ULK4: variants seen among roughly 807,000 people sequenced by gnomAD.
The protein encoded by ULK4 is unc-51 like kinase 4.
A neutral mutation model predicts 160.6 loss-of-function variants in ULK4; 133 were observed. That is an observed-to-expected ratio of 0.83 (90% CI 0.72 to 0.96). ULK4 has a LOEUF of 0.96. Among genes scored for constraint, ULK4 ranks in the 40% least tolerant of loss-of-function variants. The pLI is 0.00. For missense variants in ULK4, 1,580 were observed against 1,499.5 expected (o/e 1.05, Z -0.89); for synonymous variants, 534 against 539.8 (o/e 0.99, Z 0.15).
intron 29 of ULK4, among the ~76,000 whole-genome samples, chr3:41,676,261 T>G (rs1034827162): frequency 4.6e-5 from 7 of 152,210 alleles, no homozygotes; most frequent in Non-Finnish European, 7.3e-5. Context: ...ATATAAAAGT[T>G]TTGATGGTAA....
chr3:41,597,814 G>T (rs920104820), intron 31 of ULK4, among the ~76,000 whole-genome samples: 1 of 152,166 alleles, frequency 6.6e-6, no homozygotes, highest in Non-Finnish European at 1.5e-5. Context: ...TTTTTTGGGA[G>T]GGGAGCAGCC....
Position 41,911,552 on chromosome 3 carries a change from G to A in ULK4, c.1004C>T (p.Ser335Phe). 1 of 1,613,658 alleles carries A rather than the reference G, an allele frequency of 6.2e-7. No homozygotes were observed. Among genetic ancestry groups the A allele is most frequent in the South Asian group, 1.1e-5 (1 of 91,044 alleles). ...CAAATAAAACTTACCTAGTCTGAAA[G>A]AGTGACCTAGTGGTTGACCACTCTT... ...GHKSGQPLGHSFRLENPTEFR... is the reference protein window; with the variant it reads ...GHKSGQPLGHFFRLENPTEFR... Residue 335 changes from serine (S) to phenylalanine (F), a missense_variant, in exon 10 of 37, where the codon TCT becomes TTT. By Grantham distance (155) the Ser-to-Phe change is radical. Transcript: ENST00000301831.
intron 1 of ULK4, among the ~76,000 whole-genome samples, chr3:41,958,483 C>T (rs1390252317): frequency 6.6e-6 from 1 of 151,730 alleles, no homozygotes; most frequent in East Asian, 1.9e-4. Flanking sequence ...GGACGGATCG[C>T]CTGAGGTCAC....
intron 27 of ULK4, among the ~76,000 whole-genome samples, chr3:41,682,648 G>A (rs1433560719): frequency 6.6e-6 from 1 of 152,176 alleles, no homozygotes; most frequent in African/African-American, 2.4e-5. Context: ...CTTGACATAG[G>A]AAATTTATAT....
intron 29 of ULK4, 91 bp from the exon 30 acceptor site, chr3:41,663,790 T>G: frequency 1.9e-6 from 2 of 1,065,346 alleles, no homozygotes; most frequent in Non-Finnish European, 2.8e-6. Flanking sequence ...CAATTTAGCT[T>G]AAGACAGAAA....
At chr3:41,257,219 A>G (rs2078851739) in intron 35 of ULK4, among the ~76,000 whole-genome samples, 6 of 152,256 alleles carry the variant, frequency 3.9e-5, no homozygotes, top group Admixed American at 3.3e-4. Context: ...GCTAAAATTC[A>G]TAACACTGAC....
chr3:41,477,956 A>G (rs1273220294), intron 32 of ULK4, among the ~76,000 whole-genome samples: 1 of 152,244 alleles, frequency 6.6e-6, no homozygotes, highest in Non-Finnish European at 1.5e-5. Flanking sequence ...CTAGGTTGGC[A>G]TAAGTGCTAA....
intron 35 of ULK4, among the ~76,000 whole-genome samples, chr3:41,275,805 C>T (rs2079219565): frequency 6.6e-6 from 1 of 152,226 alleles, no homozygotes. Context: ...AAGAAATGTA[C>T]AGTTCTGCCA....
chr3:41,272,105 T>C (rs2079147607), intron 35 of ULK4, among the ~76,000 whole-genome samples: 1 of 151,496 alleles, frequency 6.6e-6, no homozygotes, highest in Admixed American at 6.6e-5. Flanking sequence ...TTAGTAGAGA[T>C]GGGGTTTTGC....
At chr3:41,754,755 A>T (rs568843736) in intron 21 of ULK4, among the ~76,000 whole-genome samples, 3 of 152,176 alleles carry the variant, frequency 2.0e-5, no homozygotes, top group Non-Finnish European at 4.4e-5. Context: ...AATTTACCCA[A>T]ATTCAGAGTT....
Position 41,638,397 on chromosome 3 carries a change from A to G in ULK4, c.3072-22680T>C, listed in dbSNP as rs563236607. 4.6e-5 allele frequency among the ~76,000 whole-genome samples: 7 copies of G among 152,306 alleles called. No homozygotes were observed. In the East Asian group the frequency reaches 1.4e-3, roughly 29 times the overall value. On this transcript the variant is annotated intron_variant, in intron 30 of 36. Transcript: ENST00000301831. Reference sequence around the variant, plus strand: ...TATCCTGTAAACAACTGAGTTGAGCAGAATTTGTGACTCCAAGCAGAGAGA... The same window carrying G: ...TATCCTGTAAACAACTGAGTTGAGCGGAATTTGTGACTCCAAGCAGAGAGA...
At chr3:41,263,382 G>A (rs2078979630) in intron 35 of ULK4, among the ~76,000 whole-genome samples, 1 of 152,140 alleles carries the variant, frequency 6.6e-6, no homozygotes, top group South Asian at 2.1e-4. Flanking sequence ...GAGCTTAACA[G>A]GGCCTGTTTC....
intron 30 of ULK4, among the ~76,000 whole-genome samples, chr3:41,647,580 G>C (rs376661466): frequency 1.3e-5 from 2 of 152,302 alleles, no homozygotes; most frequent in South Asian, 4.1e-4. Flanking sequence ...GTACTGGGCC[G>C]TGTGAGGTGT....
At chr3:41,721,778 A>G (rs142984666) in intron 22 of ULK4, among the ~76,000 whole-genome samples, 1 of 152,302 alleles carries the variant, frequency 6.6e-6, no homozygotes, top group East Asian at 1.9e-4. Flanking sequence ...GTAAATGCTG[A>G]GTGCAAGGCA....
At chr3:41,648,064 G>A (rs1287249497) in intron 30 of ULK4, among the ~76,000 whole-genome samples, 1 of 152,210 alleles carries the variant, frequency 6.6e-6, no homozygotes. Flanking sequence ...GCAGTATTCT[G>A]GTGGGAGTGA....
chr3:41,619,353 A>T (rs1056098926), intron 30 of ULK4, among the ~76,000 whole-genome samples: 13 of 152,206 alleles, frequency 8.5e-5, no homozygotes, highest in African/African-American at 2.9e-4. Flanking sequence ...CATGTATTTT[A>T]AAATTGACCA....
chr3:41,899,755 C>T (rs1055353903), intron 13 of ULK4, among the ~76,000 whole-genome samples: 4 of 152,126 alleles, frequency 2.6e-5, no homozygotes, highest in African/African-American at 7.2e-5. Flanking sequence ...AGAAAGCCCA[C>T]GTTGAAAATG....
rs575347028 is a variant in ULK4, at chr3:41,757,370, C to T, written c.2194-2882G>A. ...CTTTTTGGCCAGGCACAGTGGCTCA[C>T]GCCTGTAATCCCAGCACTTTGGGAG... is the stretch of plus-strand genomic sequence containing the variant. On this transcript the variant is annotated intron_variant, in intron 21 of 36. Coordinates refer to ENST00000301831, the MANE Select transcript of ULK4 (RefSeq NM_017886.4). Among the ~76,000 whole-genome samples, 17 of 152,162 alleles carry T rather than the reference C, an allele frequency of 1.1e-4. No homozygotes were observed. The East Asian group carries it at 1.8e-3, about 16-fold the overall frequency.
chr3:41,694,882 C>T (rs2036435169), intron 27 of ULK4, among the ~76,000 whole-genome samples: 1 of 152,082 alleles, frequency 6.6e-6, no homozygotes, highest in South Asian at 2.1e-4. Context: ...AGGGCCAAAC[C>T]GTCTGTGACT....
Sources: allele counts gnomAD v4.1 joint callset (sites outside exome capture counted in the v4.1 genomes callset), GRCh38; gene constraint gnomAD v4.1.1; transcripts MANE v1.5; gene names NCBI Gene and HGNC (gene_info 2026-07-23, HGNC 2026-07-21).